Variants in TTC39B observed in about 807,000 individuals in gnomAD.
TTC39B encodes the protein tetratricopeptide repeat domain 39B.
A neutral mutation model predicts 96.6 loss-of-function variants in TTC39B; 92 were observed. The observed-to-expected ratio is 0.95, with a 90% confidence interval of 0.80 to 1.13. TTC39B has a LOEUF of 1.13. Ranked by LOEUF, TTC39B falls within the 50% of genes most tolerant of loss-of-function variation. The probability of loss-of-function intolerance (pLI) is 0.00; values close to 1 mark genes in which losing one functional copy is unlikely to be tolerated. For synonymous variants in TTC39B, 367 were observed against 299.4 expected, an observed-to-expected ratio of 1.23 and a Z score of -2.33; for missense variants, 955 against 809.3, an observed-to-expected ratio of 1.18 and a Z score of -2.18.
exon 20 of TTC39B, chr9:15,166,890 T>C (rs1291846389): frequency 2.7e-5 from 4 of 147,188 alleles, no homozygotes; most frequent in Non-Finnish European, 6.0e-5. Context: ...TTAAAATGTC[T>C]TAATTATATA....
At chr9:15,177,727 G>C in exon 18 of TTC39B, 6 of 1,613,294 alleles carry the variant, frequency 3.7e-6, no homozygotes, top group Non-Finnish European at 5.1e-6. Context: ...ACATAGTTCA[G>C]CTTGCAAGGG....
intron 18 of TTC39B, among the ~76,000 whole-genome samples, chr9:15,177,076 C>T (rs1232093147): frequency 2.6e-5 from 4 of 152,192 alleles, no homozygotes; most frequent in Non-Finnish European, 5.9e-5. Flanking sequence ...TCTGTTTACT[C>T]AGCTCTGAAT....
At chr9:15,253,121 T>C (rs546389435) in intron 2 of TTC39B, among the ~76,000 whole-genome samples, 1 of 152,348 alleles carries the variant, frequency 6.6e-6, no homozygotes, top group South Asian at 2.1e-4. Flanking sequence ...GGTGTGGTAG[T>C]CTGAATAATG....
At chr9:15,267,995 G>T (rs1207125950) in intron 1 of TTC39B, 47 bp from the exon 2 acceptor site, 1 of 1,559,248 alleles carries the variant, frequency 6.4e-7, no homozygotes, top group East Asian at 2.2e-5. Flanking sequence ...ATTCTCAATG[G>T]GTTTCTCAAG....
intron 2 of TTC39B, among the ~76,000 whole-genome samples, chr9:15,234,493 G>A (rs1821668368): frequency 6.6e-6 from 1 of 152,116 alleles, no homozygotes; most frequent in South Asian, 2.1e-4. Flanking sequence ...GAAGTGAGGA[G>A]CCCCTCTGCC....
At chr9:15,215,685 C>T (rs1408464627) in intron 3 of TTC39B, among the ~76,000 whole-genome samples, 1 of 151,538 alleles carries the variant, frequency 6.6e-6, no homozygotes, top group Non-Finnish European at 1.5e-5. Context: ...TGGTGAAACC[C>T]CGTCTCTACT....
At chr9:15,166,562 A>G (rs1286259263) in exon 20 of TTC39B, 1 of 152,194 alleles carries the variant, frequency 6.6e-6, no homozygotes, top group Non-Finnish European at 1.5e-5. Flanking sequence ...TGCTCAACAT[A>G]AAAGATATCT....
intron 2 of TTC39B, among the ~76,000 whole-genome samples, chr9:15,230,914 G>T (rs1023991532): frequency 3.5e-4 from 53 of 151,962 alleles, no homozygotes; most frequent in Admixed American, 1.3e-4. Context: ...GAACCCGGGA[G>T]GCGGAGGTTG....
At chr9:15,174,622 C>T (rs921309036) in intron 19 of TTC39B, among the ~76,000 whole-genome samples, 7 of 152,098 alleles carry the variant, frequency 4.6e-5, no homozygotes, top group African/African-American at 1.2e-4. Flanking sequence ...CTAAACATAC[C>T]CATCTGTTTA....
intron 1 of TTC39B, among the ~76,000 whole-genome samples, chr9:15,305,471 T>C (rs1824726313): frequency 6.6e-6 from 1 of 152,200 alleles, no homozygotes; most frequent in African/African-American, 2.4e-5. Context: ...GTACCTAGCA[T>C]GTAACAGAAG....
At chr9:15,216,753 A>G (rs151209926) in intron 3 of TTC39B, among the ~76,000 whole-genome samples, 1 of 152,306 alleles carries the variant, frequency 6.6e-6, no homozygotes, top group Admixed American at 6.5e-5. Context: ...ATTTATGCTA[A>G]ATATGTGCCA....
intron 1 of TTC39B, among the ~76,000 whole-genome samples, chr9:15,282,732 T>C (rs1489827682): frequency 6.6e-6 from 1 of 152,140 alleles, no homozygotes; most frequent in Non-Finnish European, 1.5e-5. Flanking sequence ...CTCTACTCAG[T>C]TTACATATGA....
intron 2 of TTC39B, among the ~76,000 whole-genome samples, chr9:15,257,354 G>C (rs1259591065): frequency 1.3e-5 from 2 of 152,100 alleles, no homozygotes; most frequent in Admixed American, 6.5e-5. Context: ...AAATAAGATT[G>C]GCCTTGAGTT....
intron 2 of TTC39B, among the ~76,000 whole-genome samples, chr9:15,263,456 C>T (rs1023418408): frequency 2.0e-5 from 3 of 152,258 alleles, no homozygotes; most frequent in East Asian, 1.9e-4. Flanking sequence ...GTCCCGTCTC[C>T]CCAGGAAGAT....
At chr9:15,174,029 T>C (rs1040659188) in intron 19 of TTC39B, among the ~76,000 whole-genome samples, 3 of 152,194 alleles carry the variant, frequency 2.0e-5, no homozygotes, top group African/African-American at 7.2e-5. Context: ...TTCTGATGAC[T>C]GATCTCAAGA....
chr9:15,218,165 T>C lies in TTC39B; in HGVS notation c.372-3916A>G, dbSNP rs562088810. ...AGTCTGGCAACAGAGCGAGACTCTG[T>C]CTCAAAAAAAAAAAAAAAAAAAAAG... On this transcript the variant is annotated intron_variant, in intron 3 of 19. Transcript: ENST00000512701. Among the ~76,000 whole-genome samples the C allele has an allele frequency of 2.8e-4, 33 of 116,388 alleles. No homozygotes were observed. The East Asian group carries it at 3.9e-3, about 14-fold the overall frequency. 76.4% of individuals were successfully genotyped at this position (116,388 alleles called of 152,430 possible). A position where few individuals can be genotyped will look rare whatever the true frequency, so the allele number is the denominator to read the frequency against.
At chr9:15,215,789 G>A (rs1586891944) in intron 3 of TTC39B, among the ~76,000 whole-genome samples, 2 of 151,076 alleles carry the variant, frequency 1.3e-5, no homozygotes, top group South Asian at 4.2e-4. Flanking sequence ...GCTTGAACCT[G>A]GAAGGCAGAG....
intron 8 of TTC39B, among the ~76,000 whole-genome samples, chr9:15,198,636 C>G (rs1477039825): frequency 6.6e-6 from 1 of 151,360 alleles, no homozygotes; most frequent in East Asian, 1.9e-4. Flanking sequence ...AATTAGACTA[C>G]AGCTAAGAGA....
At chr9:15,235,047 C>CA (rs1235662506) in intron 2 of TTC39B, among the ~76,000 whole-genome samples, 1 of 104,374 alleles carries the variant, frequency 9.6e-6, no homozygotes, top group African/African-American at 3.7e-5. Flanking sequence ...ATAAATAAAA[C>CA]AAAAACAAAA....
Sources: gnomAD v4.1 joint callset for allele counts (sites outside exome capture counted in the v4.1 genomes callset) on GRCh38, gnomAD v4.1.1 for gene constraint, MANE v1.5 for transcripts, NCBI Gene and HGNC (gene_info 2026-07-23, HGNC 2026-07-21) for gene names.